NPAS3: variants seen among roughly 807,000 people sequenced by gnomAD.
NPAS3 encodes neuronal PAS domain protein 3, also known as neuronal PAS domain-containing protein 3.
In NPAS3, 14 loss-of-function variants were observed where a neutral mutation model predicts 73.1. The ratio of observed to expected loss-of-function variants is 0.19; its 90% confidence interval spans 0.13 to 0.30. NPAS3 has a LOEUF of 0.30. NPAS3 is among the 10% of genes least tolerant of loss of function. The pLI, the probability that NPAS3 is intolerant of heterozygous loss-of-function variation, is 1.00. For synonymous variants in NPAS3, 620 were observed against 541.5 expected, an observed-to-expected ratio of 1.14 and a Z score of -2.01; for missense variants, 1,096 against 1,250.0, an observed-to-expected ratio of 0.88 and a Z score of 1.86.
intron 2 of NPAS3, among the ~76,000 whole-genome samples, chr14:33,087,745 G>C (rs2138778679): frequency 6.6e-6 from 1 of 152,244 alleles, no homozygotes; most frequent in African/African-American, 2.4e-5. Context: ...ATTGAATAGA[G>C]AGTGAAAATT....
intron 3 of NPAS3, among the ~76,000 whole-genome samples, chr14:33,356,917 A>G (rs2045363161): frequency 6.6e-6 from 1 of 152,212 alleles, no homozygotes; most frequent in South Asian, 2.1e-4. Flanking sequence ...TATGGTGGTG[A>G]AAAGTATAAA....
intron 5 of NPAS3, among the ~76,000 whole-genome samples, chr14:33,600,209 G>A (rs962275119): frequency 1.3e-5 from 2 of 152,100 alleles, no homozygotes; most frequent in African/African-American, 4.8e-5. Flanking sequence ...TAAATATTAA[G>A]TCTTTGAAAA....
intron 3 of NPAS3, among the ~76,000 whole-genome samples, chr14:33,258,839 A>T (rs1001241580): frequency 1.3e-5 from 2 of 152,066 alleles, no homozygotes; most frequent in African/African-American, 4.8e-5. Flanking sequence ...TTTGAGATGG[A>T]GTCTCGCTCT....
chr14:33,225,981 T>C (rs1277014336), intron 3 of NPAS3, among the ~76,000 whole-genome samples: 2 of 152,254 alleles, frequency 1.3e-5, no homozygotes, highest in Non-Finnish European at 2.9e-5. Context: ...TACATAAGTC[T>C]ATTTGTCATG....
intron 2 of NPAS3, among the ~76,000 whole-genome samples, chr14:33,209,518 C>A (rs780031982): frequency 2.1e-4 from 32 of 152,162 alleles, no homozygotes; most frequent in Non-Finnish European, 4.7e-4. Flanking sequence ...GACCAGAGAT[C>A]TGACAAGTAT....
intron 2 of NPAS3, among the ~76,000 whole-genome samples, chr14:33,083,932 A>G (rs780393935): frequency 2.6e-5 from 4 of 152,194 alleles, no homozygotes; most frequent in Non-Finnish European, 5.9e-5. Flanking sequence ...AGTTAATACT[A>G]TCATTTCCTT....
intron 1 of NPAS3, among the ~76,000 whole-genome samples, chr14:33,020,461 A>G (rs2039552524): frequency 6.6e-6 from 1 of 152,236 alleles, no homozygotes; most frequent in South Asian, 2.1e-4. Context: ...AATCCAGTGA[A>G]ATAATTAGCA....
At chr14:33,768,070 C>T (rs1249956667) in intron 7 of NPAS3, among the ~76,000 whole-genome samples, 5 of 152,156 alleles carry the variant, frequency 3.3e-5, no homozygotes, top group African/African-American at 9.7e-5. Context: ...AAATAAAAGT[C>T]AAACAATGAT....
At chr14:33,492,737 T>C (rs1277569376) in intron 4 of NPAS3, among the ~76,000 whole-genome samples, 1 of 152,186 alleles carries the variant, frequency 6.6e-6, no homozygotes, top group African/African-American at 2.4e-5. Context: ...CCTGTGGCCC[T>C]CCCAGAGGAT....
chr14:33,123,793 A>T (rs191533172), intron 2 of NPAS3, among the ~76,000 whole-genome samples: 1 of 151,910 alleles, frequency 6.6e-6, no homozygotes, highest in Non-Finnish European at 1.5e-5. Context: ...CTTAAAATCA[A>T]TTAGTGTCAA....
intron 1 of NPAS3, among the ~76,000 whole-genome samples, chr14:32,953,216 A>AT (rs931971634): frequency 4.6e-5 from 7 of 151,946 alleles, no homozygotes; most frequent in East Asian, 1.9e-4. Flanking sequence ...TGGCTATAGT[A>AT]TTTTTTTGTA....
At chr14:32,939,229 G>T (rs1595045949), upstream of NPAS3, 3 of 354,534 alleles carry the variant, frequency 8.5e-6, no homozygotes, top group South Asian at 5.9e-5. Context: ...GCCACCCCAC[G>T]CACACGCACA....
At chr14:33,522,198 C>T (rs577130685) in intron 4 of NPAS3, among the ~76,000 whole-genome samples, 34 of 152,246 alleles carry the variant, frequency 2.2e-4, no homozygotes, top group African/African-American at 7.7e-4. Context: ...GTTTAGAGGA[C>T]AGTTTCTTCA....
At chr14:33,579,516 G>C (rs1323969591) in intron 5 of NPAS3, among the ~76,000 whole-genome samples, 2 of 152,162 alleles carry the variant, frequency 1.3e-5, no homozygotes, top group Non-Finnish European at 2.9e-5. Context: ...GATAAAGACT[G>C]ATGAAATATG....
At chr14:33,276,606 C>CT (rs910098412) in intron 3 of NPAS3, among the ~76,000 whole-genome samples, 11 of 151,342 alleles carry the variant, frequency 7.3e-5, no homozygotes, top group Middle Eastern at 3.4e-3. Flanking sequence ...TAAGTTACTT[C>CT]TTTTTTTTTC....
At chr14:32,945,866 T>C (rs937059782) in intron 1 of NPAS3, among the ~76,000 whole-genome samples, 1 of 152,212 alleles carries the variant, frequency 6.6e-6, no homozygotes, top group African/African-American at 2.4e-5. Flanking sequence ...CAGGGCAGAT[T>C]TGTAGCTGAG....
At chr14:33,552,847 T>C (rs914529685) in intron 4 of NPAS3, among the ~76,000 whole-genome samples, 1 of 152,164 alleles carries the variant, frequency 6.6e-6, no homozygotes, top group African/African-American at 2.4e-5. Flanking sequence ...GAAAAAGAAC[T>C]CTGAATTCAA....
At chr14:33,758,184 C>G (rs921677726) in intron 7 of NPAS3, among the ~76,000 whole-genome samples, 2 of 152,208 alleles carry the variant, frequency 1.3e-5, no homozygotes, top group African/African-American at 4.8e-5. Context: ...CCTCCTCCAG[C>G]ACCTCCCCAC....
intron 1 of NPAS3, among the ~76,000 whole-genome samples, chr14:33,051,970 A>G (rs949325471): frequency 1.3e-5 from 2 of 152,172 alleles, no homozygotes; most frequent in Admixed American, 6.5e-5. Flanking sequence ...CGTGTTAGCC[A>G]GGATGATCTT....
Sources: gnomAD v4.1 joint callset for allele counts (sites outside exome capture counted in the v4.1 genomes callset) on GRCh38, gnomAD v4.1.1 for gene constraint, MANE v1.5 for transcripts, NCBI Gene and HGNC (gene_info 2026-07-23, HGNC 2026-07-21) for gene names.